Variants in CNNM4 observed in about 807,000 individuals in gnomAD.
The protein encoded by CNNM4 is cyclin and CBS domain divalent metal cation transport mediator 4, also known as metal transporter CNNM4.
In CNNM4, 32 loss-of-function variants were observed where a neutral mutation model predicts 53.7. The ratio of observed to expected loss-of-function variants is 0.60; its 90% CI spans 0.45 to 0.80. The LOEUF (loss-of-function observed/expected upper bound fraction) is 0.80. Among genes scored for constraint, CNNM4 ranks in the 30% least tolerant of loss-of-function variants. The pLI, the probability that CNNM4 is intolerant of heterozygous loss-of-function variation, is 0.00. For missense variants in CNNM4, 784 were observed against 1,022.0 expected, an observed-to-expected ratio of 0.77 and a Z score of 3.17; for synonymous variants, 410 against 440.0, an observed-to-expected ratio of 0.93 and a Z score of 0.85.
In CNNM4 at chr2:96,797,028, C is replaced by G. The variant is rs1300648522; in HGVS notation, c.1419C>G (p.Ala473=). The change falls in exon 2 of 7, where the codon GCC becomes GCG. Residue 473 remains alanine (A), a synonymous_variant. Coordinates refer to ENST00000377075, the MANE Select transcript of CNNM4 (RefSeq NM_020184.4). This position sits in a 1 kb window ranked among gnomAD's most constrained non-coding sequence, Gnocchi z 6.0. ...GTCCCACAGGGAAGTCCCACCTGGC[C>G]ATCGTGCAGAAGGTAAACAACGAGG... ...EEFKKGKSHL[A]IVQKVNNEGE... is the part of the protein sequence containing the mutation. The G allele has an allele frequency of 3.1e-6, 5 of 1,613,298 alleles. No individual in the cohort carries two copies. Among genetic ancestry groups the G allele is most frequent in the Non-Finnish European group, 4.2e-6 (5 of 1,180,018 alleles).
At chr2:96,771,508 C>G (rs1164063829) in intron 1 of CNNM4, among the ~76,000 whole-genome samples, 1 of 151,984 alleles carries the variant, frequency 6.6e-6, no homozygotes. Context: ...AGTTCAAGAC[C>G]AGCCTGGCCA....
At chr2:96,773,537 C>A (rs1389402934) in intron 1 of CNNM4, among the ~76,000 whole-genome samples, 1 of 151,974 alleles carries the variant, frequency 6.6e-6, no homozygotes, top group Non-Finnish European at 1.5e-5. Flanking sequence ...CATGTACCCA[C>A]AAAAATTTAA....
chr2:96,799,132 A>G lies in CNNM4; in HGVS notation c.1757A>G (p.Gln586Arg), dbSNP rs765234939. ...CTACTCAAGTACCCAGATGTCATTC[A>G]GGAACTCAAGTTTGACGAGCACAAT... ...LRLLKYPDVI[Q>R]ELKFDEHNKY... is the part of the protein sequence containing the mutation. The change falls in exon 4 of 7, where the codon CAG becomes CGG. Residue 586 changes from glutamine to arginine, a missense_variant. By Grantham distance (43) the Gln-to-Arg change is conservative (BLOSUM62 1). Around this residue, in one of 3 missense-constraint regions of CNNM4, gnomAD observed 307 missense variants for 376.3 expected, o/e 0.82. Coordinates refer to ENST00000377075, the MANE Select transcript of CNNM4 (RefSeq NM_020184.4). The G allele has an allele frequency of 3.1e-6, 5 of 1,614,200 alleles. No individual in the cohort carries two copies. Among genetic ancestry groups the G allele is most frequent in the Non-Finnish European group, 4.2e-6 (5 of 1,180,026 alleles).
At chr2:96,796,343 C>T (rs2079103921) in intron 1 of CNNM4, among the ~76,000 whole-genome samples, 1 of 151,836 alleles carries the variant, frequency 6.6e-6, no homozygotes, top group Admixed American at 6.6e-5. Flanking sequence ...TGGGGTTTTA[C>T]CGTGTTGGCC....
intron 1 of CNNM4, among the ~76,000 whole-genome samples, chr2:96,779,554 T>TATTG (rs543912850): frequency 6.7e-4 from 102 of 151,844 alleles, no homozygotes; most frequent in African/African-American, 2.2e-3. Flanking sequence ...CAGGACTTTG[T>TATTG]ATTGAGAAGA....
At position 96,799,556 on chromosome 2, in the gene CNNM4, A is replaced by C. The variant is rs554361973; in HGVS notation, c.1856A>C (p.Lys619Thr). 91 of 1,553,870 alleles carry C rather than the reference A, an allele frequency of 5.9e-5. No homozygotes were observed. The highest frequency in any genetic ancestry group is 7.9e-5 in the Non-Finnish European group (91 of 1,148,024). The part of the protein sequence containing the change: ...ADYFILILQG[K>T]VEVEAGKENM... The stretch of plus-strand genomic sequence containing the variant: ...TCCAGCCCTGTGTTTTTTCAGGGGA[A>C]GGTGGAGGTGGAGGCAGGGAAGGAG... The change falls in exon 5 of 7, where the codon AAG becomes ACG. Residue 619 changes from lysine to threonine, a missense_variant. Transcript: ENST00000377075.
chr2:96,799,683 G>A (rs1303471311), intron 5 of CNNM4, 35 bp downstream of exon 5: 1 of 1,493,084 alleles, frequency 6.7e-7, no homozygotes. Context: ...CTGCCCTTTG[G>A]CCCCCCTGCA....
intron 1 of CNNM4, among the ~76,000 whole-genome samples, chr2:96,795,494 C>A (rs2079095590): frequency 6.6e-6 from 1 of 152,116 alleles, no homozygotes; most frequent in South Asian, 2.1e-4. Flanking sequence ...AGTACCCCCC[C>A]CCCCATCACA....
intron 5 of CNNM4, among the ~76,000 whole-genome samples, chr2:96,805,859 A>G (rs1433357964): frequency 6.6e-6 from 1 of 151,100 alleles, no homozygotes; most frequent in Non-Finnish European, 1.5e-5. Context: ...TTCCACACAG[A>G]CACGGCAACC....
At chr2:96,798,908 G>A in intron 3 of CNNM4, 149 bp from the exon 4 acceptor site, 2 of 775,156 alleles carry the variant, frequency 2.6e-6, no homozygotes, top group Admixed American at 4.0e-5. Context: ...TCCCTCCCCA[G>A]GGAGGTGCAG....
intron 1 of CNNM4, among the ~76,000 whole-genome samples, chr2:96,774,091 G>A (rs1558983133): frequency 2.0e-5 from 3 of 152,138 alleles, no homozygotes; most frequent in Admixed American, 1.3e-4. Flanking sequence ...TAAACCCACC[G>A]TCCTGACCGC....
intron 5 of CNNM4, among the ~76,000 whole-genome samples, chr2:96,803,491 G>A (rs1462983460): frequency 1.3e-5 from 2 of 152,124 alleles, no homozygotes; most frequent in Non-Finnish European, 1.5e-5. Context: ...TTGGGAGGCC[G>A]AGGTGCGTGG....
At chr2:96,766,580 G>A (rs72809839) in intron 1 of CNNM4, among the ~76,000 whole-genome samples, 2,329 of 152,170 alleles carry the variant, frequency 0.015, 52 homozygotes, top group Non-Finnish European at 0.016. Flanking sequence ...GCCCTGTGCC[G>A]ATTTCTTCTC....
intron 5 of CNNM4, among the ~76,000 whole-genome samples, chr2:96,802,383 G>A (rs1319062213): frequency 6.6e-6 from 1 of 152,226 alleles, no homozygotes; most frequent in Non-Finnish European, 1.5e-5. Context: ...TCCTGCTCCA[G>A]GCCACCCACA....
At chr2:96,779,741 T>G (rs931843060) in intron 1 of CNNM4, among the ~76,000 whole-genome samples, 1 of 152,158 alleles carries the variant, frequency 6.6e-6, no homozygotes, top group African/African-American at 2.4e-5. Flanking sequence ...TTAGCTATTC[T>G]TAGCTTTTTA....
At chr2:96,776,925 T>C (rs753192553) in intron 1 of CNNM4, among the ~76,000 whole-genome samples, 2 of 149,446 alleles carry the variant, frequency 1.3e-5, no homozygotes, top group Non-Finnish European at 3.0e-5. Context: ...ATTGTGGTTT[T>C]AATTTAGATT....
intron 1 of CNNM4, among the ~76,000 whole-genome samples, chr2:96,763,226 G>GT (rs755595324): frequency 6.6e-6 from 1 of 152,110 alleles, no homozygotes; most frequent in Non-Finnish European, 1.5e-5. Context: ...ACTGCCTTGT[G>GT]TTTTTTTCTC....
chr2:96,775,539 A>C (rs1393000631), intron 1 of CNNM4, among the ~76,000 whole-genome samples: 3 of 152,182 alleles, frequency 2.0e-5, no homozygotes, highest in African/African-American at 7.2e-5. Flanking sequence ...GTATGAAGGC[A>C]TTTCTGTTAG....
chr2:96,800,289 A>G lies in CNNM4; in HGVS notation c.1948+641A>G, dbSNP rs559241272. ...CAGAGCCCCACAGACAAGGCCCCGC[A>G]GGCCCAGGTCTCGCCAGCTCATCTC... On this transcript the variant is annotated intron_variant, in intron 5 of 6. Transcript: ENST00000377075. The surrounding 1 kb of genome is among the most constrained non-coding windows in gnomAD (Gnocchi z 4.6). 2.6e-5 allele frequency among the ~76,000 whole-genome samples: 4 copies of G among 152,128 alleles called. No homozygotes were observed. The East Asian group carries it at 7.8e-4, about 30-fold the overall frequency.
Sources: gnomAD v4.1 joint callset for allele counts (sites outside exome capture counted in the v4.1 genomes callset) on GRCh38, gnomAD v4.1.1 for gene constraint, gnomAD v4.1.1 regional missense constraint, Gnocchi (gnomAD v3.1) non-coding constraint, MANE v1.5 for transcripts, NCBI Gene and HGNC (gene_info 2026-07-23, HGNC 2026-07-21) for gene names.